The following OSBPL8 variants were observed in gnomAD, a reference collection of about 807,000 sequenced individuals.
OSBPL8 encodes oxysterol-binding protein-related protein 8.
OSBPL8 carries 59 observed loss-of-function variants against 125.5 expected under a neutral mutation model. That is an observed-to-expected ratio of 0.47 (90% CI 0.38 to 0.58). The LOEUF (loss-of-function observed/expected upper bound fraction) is 0.58, where lower values mean the gene tolerates loss of function less well. Ranked by LOEUF, OSBPL8 falls within the 20% of genes least tolerant of loss-of-function variation. The probability of loss-of-function intolerance (pLI) is 0.00; values close to 1 mark genes in which losing one functional copy is unlikely to be tolerated. For missense variants in OSBPL8, 758 were observed against 1,047.8 expected (o/e 0.72, Z 3.82); for synonymous variants, 330 against 338.9 (o/e 0.97, Z 0.29).
rs57582036 is a variant in OSBPL8, at chr12:76,480,167, CAAAAAAAAAAA to C, written c.42+7332_42+7342del. ...GGGCAACAAGAGTGAAACTCCATCT[CAAAAAAAAAAA>C]AAAAAAAAAAAAAGAATATGAGAGA... On this transcript the variant is annotated intron_variant, in intron 2 of 23. Transcript: ENST00000261183. 3.0e-4 allele frequency among the ~76,000 whole-genome samples: 17 copies of C among 56,380 alleles called. No individual in the cohort carries two copies. In the East Asian group the frequency reaches 6.2e-3, roughly 20 times the overall value. 37.0% of individuals were successfully genotyped at this position (56,380 alleles called of 152,430 possible). A position where few individuals can be genotyped will look rare whatever the true frequency, so the allele number is the denominator to read the frequency against.
At chr12:76,546,090 G>A (rs539174416) in intron 1 of OSBPL8, among the ~76,000 whole-genome samples, 4 of 152,114 alleles carry the variant, frequency 2.6e-5, no homozygotes, top group Non-Finnish European at 2.9e-5. Flanking sequence ...GGCCAGCTAC[G>A]GGACTTCTAT....
chr12:76,383,506 TC>T (rs1191706655), intron 15 of OSBPL8, among the ~76,000 whole-genome samples: 1 of 151,898 alleles, frequency 6.6e-6, no homozygotes, highest in East Asian at 1.9e-4. Context: ...CTCTTAGATA[TC>T]CCTGTTGCAG....
intron 1 of OSBPL8, among the ~76,000 whole-genome samples, chr12:76,551,983 C>T (rs1258904847): frequency 1.3e-5 from 2 of 152,102 alleles, no homozygotes; most frequent in Non-Finnish European, 1.5e-5. Flanking sequence ...TAGAACATTC[C>T]AATCTTATGG....
intron 4 of OSBPL8, among the ~76,000 whole-genome samples, chr12:76,446,820 G>A (rs1233712586): frequency 6.6e-6 from 1 of 151,928 alleles, no homozygotes; most frequent in African/African-American, 2.4e-5. Flanking sequence ...CTTTACCAAT[G>A]ACTGAAACAC....
intron 4 of OSBPL8, among the ~76,000 whole-genome samples, chr12:76,421,025 C>T (rs1183994031): frequency 6.6e-6 from 1 of 151,934 alleles, no homozygotes; most frequent in Non-Finnish European, 1.5e-5. Flanking sequence ...ACAATTTTGC[C>T]TTTAACTGCC....
rs1951857646 is a variant in OSBPL8, at chr12:76,352,418, CA to C, written c.*3470del. The C allele has an allele frequency of 6.6e-6, 1 of 152,290 alleles. No individual in the cohort carries two copies. The highest frequency in any genetic ancestry group is 1.5e-5 in the Non-Finnish European group (1 of 67,926). The allele number at this position is 152,290 out of a possible 1,614,324, so 9.4% of individuals were successfully genotyped here. A position where few individuals can be genotyped will look rare whatever the true frequency, so the allele number is the denominator to read the frequency against. ...AAAATAAACAGTATGTAAAGAGTAA[CA>C]AAAAGTAAATTAAATATACTAAACT... is the stretch of plus-strand genomic sequence containing the variant. On this transcript the variant is annotated 3_prime_UTR_variant, in exon 24 of 24. Coordinates refer to ENST00000261183, the MANE Select transcript of OSBPL8 (RefSeq NM_020841.5).
intron 8 of OSBPL8, 69 bp downstream of exon 8, chr12:76,397,625 T>C: frequency 7.0e-7 from 1 of 1,420,858 alleles, no homozygotes; most frequent in African/African-American, 1.4e-5. Flanking sequence ...CTCATTTGAT[T>C]GATGTATCTC....
chr12:76,405,766 T>A (rs1954235797), intron 5 of OSBPL8, among the ~76,000 whole-genome samples: 1 of 152,210 alleles, frequency 6.6e-6, no homozygotes, highest in Non-Finnish European at 1.5e-5. Context: ...TGGGGATAGT[T>A]TACTAAACTA....
chr12:76,532,230 A>G (rs759438341), intron 1 of OSBPL8, among the ~76,000 whole-genome samples: 6 of 152,058 alleles, frequency 3.9e-5, no homozygotes, highest in Non-Finnish European at 8.8e-5. Context: ...TTCACCCCCA[A>G]TTAAACTAGG....
chr12:76,396,593 T>C (rs1297422954), intron 8 of OSBPL8, among the ~76,000 whole-genome samples: 3 of 151,844 alleles, frequency 2.0e-5, no homozygotes, highest in African/African-American at 7.3e-5. Context: ...CTACAAAAAA[T>C]GTTTAAAAAA....
At chr12:76,517,345 A>C (rs1226426671) in intron 1 of OSBPL8, among the ~76,000 whole-genome samples, 1 of 152,188 alleles carries the variant, frequency 6.6e-6, no homozygotes, top group East Asian at 1.9e-4. Flanking sequence ...AAAACTTTTT[A>C]TTACCTACTG....
chr12:76,436,897 T>G (rs1392113876), intron 4 of OSBPL8, among the ~76,000 whole-genome samples: 2 of 152,226 alleles, frequency 1.3e-5, no homozygotes, highest in East Asian at 3.8e-4. Context: ...TATCTATCCC[T>G]ATTGCCTATA....
intron 1 of OSBPL8, among the ~76,000 whole-genome samples, chr12:76,489,507 A>T (rs1197670361): frequency 6.6e-6 from 1 of 152,236 alleles, no homozygotes; most frequent in Non-Finnish European, 1.5e-5. Context: ...ATTATGCTGT[A>T]ACTACTCTGC....
At position 76,352,152 on chromosome 12, in the gene OSBPL8, T is replaced by G. The variant is rs1309040156; in HGVS notation, c.*3737A>C. On this transcript the variant is annotated 3_prime_UTR_variant, in exon 24 of 24. Transcript: ENST00000261183. ...AAAGTGAAAAAAATTTCAACTGAAG[T>G]TCTGTGGCTCATCAGTTCAAATGTT... 6.6e-6 allele frequency: 1 copy of G among 152,628 alleles called. No individual in the cohort carries two copies. The highest frequency in any genetic ancestry group is 1.5e-5 in the Non-Finnish European group (1 of 68,032). 9.5% of individuals were successfully genotyped at this position (152,628 alleles called of 1,614,324 possible).
rs1873336556 is a variant in OSBPL8 at position 76,451,002 on chromosome 12, G to A, written c.80-14C>T. On this transcript the variant is annotated splice_polypyrimidine_tract_variant and intron_variant, in intron 3 of 23. Coordinates refer to ENST00000261183, the MANE Select transcript of OSBPL8 (RefSeq NM_020841.5). ...TTGCTACAACAGCTCAAGGAAAGAA[G>A]GGAAAAATAATTAGTACTGAAGTCA... 1.2e-6 allele frequency: 2 copies of A among 1,609,300 alleles called. No homozygotes were observed. The highest frequency in any genetic ancestry group is 2.2e-5 in the South Asian group (2 of 90,410).
intron 4 of OSBPL8, among the ~76,000 whole-genome samples, chr12:76,445,396 A>T (rs1872628302): frequency 1.3e-5 from 2 of 152,216 alleles, no homozygotes; most frequent in Admixed American, 1.3e-4. Flanking sequence ...AATGAAATTA[A>T]AAACATCTGC....
intron 1 of OSBPL8, among the ~76,000 whole-genome samples, chr12:76,525,638 T>C (rs1461777939): frequency 2.0e-5 from 3 of 152,144 alleles, no homozygotes; most frequent in African/African-American, 7.2e-5. Context: ...AGATCAAATA[T>C]GACAAATATT....
chr12:76,539,166 G>C (rs1409495622), intron 1 of OSBPL8, among the ~76,000 whole-genome samples: 6 of 149,272 alleles, frequency 4.0e-5, no homozygotes, highest in Non-Finnish European at 8.9e-5. Flanking sequence ...AAAAAAAAAA[G>C]ACAGATATCA....
At chr12:76,384,378 T>G (rs369792027) in intron 14 of OSBPL8, 28 bp from the exon 15 acceptor site, 3 of 1,135,994 alleles carry the variant, frequency 2.6e-6, no homozygotes, top group Non-Finnish European at 2.5e-6. Context: ...AACATGCATA[T>G]ATAAAATATA....
Sources: allele counts gnomAD v4.1 joint callset (sites outside exome capture counted in the v4.1 genomes callset), GRCh38; gene constraint gnomAD v4.1.1; transcripts MANE v1.5; gene names NCBI Gene and HGNC (gene_info 2026-07-23, HGNC 2026-07-21).